MUC17: variants seen among roughly 807,000 people sequenced by gnomAD.
MUC17 encodes the protein mucin 17, cell surface associated, also known as mucin-17.
Under a neutral mutation model 170.3 loss-of-function variants are expected in MUC17, and 190 were observed. The ratio of observed to expected loss-of-function variants is 1.12; its 90% confidence interval spans 0.99 to 1.26. The LOEUF is 1.26. Among genes scored for constraint, MUC17 ranks in the 50% most tolerant of loss-of-function variants. The probability of loss-of-function intolerance (pLI) is 0.00; values close to 1 mark genes in which losing one functional copy is unlikely to be tolerated. For synonymous variants in MUC17, 2,325 were observed against 2,002.5 expected (o/e 1.16, Z -4.30); for missense variants, 6,415 against 5,530.0 (o/e 1.16, Z -5.08).
chr7:101,043,297 G>GT lies in MUC17; in HGVS notation c.11882dup (p.Ser3962IlefsTer9). The GT allele has an allele frequency of 6.2e-7, 1 of 1,614,140 alleles. No individual in the cohort carries two copies. On this transcript the variant is annotated frameshift_variant, in exon 3 of 13. Coordinates refer to ENST00000306151, the MANE Select transcript of MUC17 (RefSeq NM_001040105.2). LOFTEE classifies it high-confidence loss of function. The stretch of plus-strand genomic sequence containing the variant: ...TGTCTTTCCTGCAACAACTGGTGCT[G>GT]TATCTACCCCTGTGATAACTTCCAC...
At position 101,042,927 on chromosome 7, in the gene MUC17, A is replaced by G; in HGVS notation, c.11511A>G (p.Thr3837=). 6.2e-7 allele frequency: 1 copy of G among 1,613,758 alleles called. No individual in the cohort carries two copies. The highest frequency in any genetic ancestry group is 1.3e-5 in the African/African-American group (1 of 74,898). ...CTTCTGAGGCCAGCACACTTTCAAC[A>G]CCTCCTGGTGATACCAGCACACCTT... ...MSPSEASTLS[T]PPGDTSTPLL... The change falls in exon 3 of 13, where the codon ACA becomes ACG. Residue 3837 remains threonine, a synonymous_variant. Transcript: ENST00000306151.
At position 101,043,352 on chromosome 7, in the gene MUC17, G is replaced by A; in HGVS notation, c.11936G>A (p.Ser3979Asn). The change falls in exon 3 of 13, where the codon AGT becomes AAT. Residue 3979 changes from serine (S) to asparagine (N), a missense_variant. Transcript: ENST00000306151. ...CTAAACACACCATCAACCTCCAGTA[G>A]TAGTACCACCACATCTTTTTCAACT... is the stretch of plus-strand genomic sequence containing the variant. ...TELNTPSTSS[S>N]STTTSFSTTK... The A allele has an allele frequency of 6.2e-7, 1 of 1,614,154 alleles. No individual in the cohort carries two copies. The highest frequency in any genetic ancestry group is 8.5e-7 in the Non-Finnish European group (1 of 1,180,040).
In MUC17 at chr7:101,036,268, G is replaced by C. The variant is rs761398607; in HGVS notation, c.4852G>C (p.Gly1618Arg). The C allele has an allele frequency of 3.7e-6, 6 of 1,613,756 alleles. No homozygotes were observed. Among genetic ancestry groups the C allele is most frequent in the Non-Finnish European group, 5.1e-6 (6 of 1,179,970 alleles). ...AGCCAGTTCATCTACAACCGCTGAA[G>C]GTAGCAGCATGACAATCTCAACTCC... ...TEASSSTTAEGSSMTISTPSE... is the reference protein window; with the variant it reads ...TEASSSTTAERSSMTISTPSE... The change falls in exon 3 of 13, where the codon GGT (glycine) becomes CGT (arginine). Residue 1618 changes from glycine to arginine, a missense_variant. Coordinates refer to ENST00000306151, the MANE Select transcript of MUC17 (RefSeq NM_001040105.2).
In MUC17 at chr7:101,037,616, C is replaced by A. The variant is rs749504674; in HGVS notation, c.6200C>A (p.Thr2067Asn). The A allele has an allele frequency of 3.7e-6, 6 of 1,613,918 alleles. No individual in the cohort carries two copies. Among genetic ancestry groups the A allele is most frequent in the Non-Finnish European group, 5.1e-6 (6 of 1,179,968 alleles). ...TCTGAGGGTAACACCCTTTCAACAA[C>A]TCCTGTTGACTCCAAAACTCAGGTG... ...VSSEGNTLST[T>N]PVDSKTQVTN... Residue 2067 changes from threonine to asparagine, a missense_variant, in exon 3 of 13, where the codon ACT (threonine) becomes AAT (asparagine). Coordinates refer to ENST00000306151, the MANE Select transcript of MUC17 (RefSeq NM_001040105.2).
Position 101,041,568 on chromosome 7 carries a change from T to A in MUC17, c.10152T>A (p.Ala3384=). 1 of 1,613,410 alleles carries A rather than the reference T, an allele frequency of 6.2e-7. No homozygotes were observed. Among genetic ancestry groups the A allele is most frequent in the Non-Finnish European group, 8.5e-7 (1 of 1,179,876 alleles). Residue 3384 remains alanine, a synonymous_variant, in exon 3 of 13, where the codon GCT becomes GCA. Coordinates refer to ENST00000306151, the MANE Select transcript of MUC17 (RefSeq NM_001040105.2). The part of the protein sequence containing the change: ...STEASLSPTT[A]EGTSIPTSSP... ...AAGCCAGTTTATCTCCTACAACTGC[T>A]GAAGGTACCAGCATACCAACCTCAA...
At position 101,036,015 on chromosome 7, in the gene MUC17, C is replaced by A. The variant is rs73168392; in HGVS notation, c.4599C>A (p.Ser1533Arg). ...TTTVASSEIN[S>R]LSTTPAVTST... ...CAGTGGCCAGTTCTGAAATCAACAG[C>A]CTTTCAACAACTCCTGCTGTCACCA... Residue 1533 changes from serine to arginine, a missense_variant, in exon 3 of 13, where the codon AGC becomes AGA. By Grantham distance (110) the Ser-to-Arg change is moderately radical. Coordinates refer to ENST00000306151, the MANE Select transcript of MUC17 (RefSeq NM_001040105.2). 8.5e-6 allele frequency: 13 copies of A among 1,536,966 alleles called. No individual in the cohort carries two copies. Among genetic ancestry groups the A allele is most frequent in the South Asian group, 1.2e-5 (1 of 80,076 alleles).
rs754012525 is a variant in MUC17, at chr7:101,031,989, T to C, written c.573T>C (p.Ser191=). 4 of 1,614,234 alleles carry C rather than the reference T, an allele frequency of 2.5e-6. No homozygotes were observed. The South Asian group carries it at 4.4e-5, about 18-fold the overall frequency. The change falls in exon 3 of 13, where the codon TCT becomes TCC. Residue 191 remains serine (S), a synonymous_variant. Transcript: ENST00000306151. ...KVDMSTPLTT[S]TQASSSPTTP... Reference sequence around the variant, plus strand: ...ATATGAGCACACCTCTGACCACTTCTACTCAGGCAAGTTCATCTCCTACTA... The same window carrying C: ...ATATGAGCACACCTCTGACCACTTCCACTCAGGCAAGTTCATCTCCTACTA...
At chr7:101,024,854 G>C (rs1017045142) in intron 1 of MUC17, among the ~76,000 whole-genome samples, 6 of 150,744 alleles carry the variant, frequency 4.0e-5, no homozygotes, top group Non-Finnish European at 7.4e-5. Flanking sequence ...GGAGGGAGCA[G>C]GCCTTCTTTT....
rs866182108 is a variant in MUC17, at chr7:101,032,456, C to T, written c.1040C>T (p.Ala347Val). ...ACGCCTGCCAGCACCATGCCGGTTG[C>T]CACTTCTGAAATGAGCACACTTTCA... ...TSTPASTMPV[A>V]TSEMSTLSIT... The change falls in exon 3 of 13, where the codon GCC becomes GTC. Residue 347 changes from alanine to valine, a missense_variant. Ala to Val is a moderately conservative substitution (Grantham distance 64). Coordinates refer to ENST00000306151, the MANE Select transcript of MUC17 (RefSeq NM_001040105.2). 1 of 1,613,694 alleles carries T rather than the reference C, an allele frequency of 6.2e-7. No homozygotes were observed. Among genetic ancestry groups the T allele is most frequent in the Non-Finnish European group, 8.5e-7 (1 of 1,179,844 alleles).
chr7:101,034,915 G>A lies in MUC17; in HGVS notation c.3499G>A (p.Val1167Ile). The change falls in exon 3 of 13, where the codon GTC (valine) becomes ATC (isoleucine). Residue 1167 changes from valine to isoleucine, a missense_variant. Transcript: ENST00000306151. ...EGTTPLASMP[V>I]STTLVVSSEA... Reference sequence around the variant, plus strand: ...AACCACTCCGTTAGCAAGTATGCCTGTCAGCACCACGCTGGTGGTCAGTTC... The same window carrying A: ...AACCACTCCGTTAGCAAGTATGCCTATCAGCACCACGCTGGTGGTCAGTTC... 1.9e-6 allele frequency: 3 copies of A among 1,613,550 alleles called. No individual in the cohort carries two copies. The highest frequency in any genetic ancestry group is 2.5e-6 in the Non-Finnish European group (3 of 1,179,972).
chr7:101,029,546 T>G (rs944820887), intron 1 of MUC17, among the ~76,000 whole-genome samples: 2 of 152,156 alleles, frequency 1.3e-5, no homozygotes, highest in Admixed American at 6.5e-5. Context: ...TTGTGAATTT[T>G]ACCTTGTTGG....
In MUC17 at chr7:101,037,178, C is replaced by T; in HGVS notation, c.5762C>T (p.Pro1921Leu). 4 of 1,612,596 alleles carry T rather than the reference C, an allele frequency of 2.5e-6. No individual in the cohort carries two copies. The highest frequency in any genetic ancestry group is 3.4e-6 in the Non-Finnish European group (4 of 1,179,618). ...ADGSSMPTST[P>L]REGRPPLTSI... is the part of the protein sequence containing the mutation. ...GGTAGCAGCATGCCAACCTCAACTC[C>T]TAGGGAAGGAAGGCCTCCATTAACA... The change falls in exon 3 of 13, where the codon CCT becomes CTT. Residue 1921 changes from proline (P) to leucine (L), a missense_variant. Pro to Leu is a moderately conservative substitution (Grantham distance 98, BLOSUM62 -3). Transcript: ENST00000306151.
In MUC17 at chr7:101,042,089, C is replaced by T. The variant is rs571162480; in HGVS notation, c.10673C>T (p.Pro3558Leu). The change falls in exon 3 of 13, where the codon CCA (proline) becomes CTA (leucine). Residue 3558 changes from proline to leucine, a missense_variant. By Grantham distance (98) the Pro-to-Leu change is moderately conservative (BLOSUM62 -3). Transcript: ENST00000306151. ...AGTTCTAGTCAAGCCAGTTCATCTC[C>T]AGCAACTCTTCAGGTCACCACTATG... ...VTSSSQASSS[P>L]ATLQVTTMRM... The T allele has an allele frequency of 3.1e-6, 5 of 1,614,176 alleles. No homozygotes were observed. In the African/African-American group the frequency reaches 4.0e-5, roughly 13 times the overall value.
rs751726405 is a variant in MUC17 at position 101,037,852 on chromosome 7, A to G, written c.6436A>G (p.Thr2146Ala). 4 of 1,612,526 alleles carry G rather than the reference A, an allele frequency of 2.5e-6. No homozygotes were observed. The East Asian group carries it at 6.7e-5, about 27-fold the overall frequency. ...STEVSSSPIPTEGTSMQTSTY... is the reference protein window; with the variant it reads ...STEVSSSPIPAEGTSMQTSTY... ...TGAAGTCAGTTCATCTCCTATACCT[A>G]CTGAAGGTACCAGCATGCAAACCTC... Residue 2146 changes from threonine (T) to alanine (A), a missense_variant, in exon 3 of 13, where the codon ACT becomes GCT. By Grantham distance (58) the Thr-to-Ala change is moderately conservative (BLOSUM62 0). Coordinates refer to ENST00000306151, the MANE Select transcript of MUC17 (RefSeq NM_001040105.2).
At chr7:101,051,028 C>A (rs982717879) in intron 7 of MUC17, among the ~76,000 whole-genome samples, 2 of 152,032 alleles carry the variant, frequency 1.3e-5, no homozygotes, top group African/African-American at 4.8e-5. Flanking sequence ...GGCCTCGTTA[C>A]ACAGGGGTTC....
At chr7:101,050,085 C>T (rs987626400) in intron 6 of MUC17, among the ~76,000 whole-genome samples, 3 of 152,290 alleles carry the variant, frequency 2.0e-5, no homozygotes, top group East Asian at 1.9e-4. Flanking sequence ...AAGCCAGGAT[C>T]GCACCATTGC....
Position 101,040,298 on chromosome 7 carries a change from C to T in MUC17, c.8882C>T (p.Thr2961Ile), listed in dbSNP as rs1339142297. 6.2e-7 allele frequency: 1 copy of T among 1,611,962 alleles called. No homozygotes were observed. The change falls in exon 3 of 13, where the codon ACT becomes ATT. Residue 2961 changes from threonine (T) to isoleucine (I), a missense_variant. Physicochemically the swap from Thr to Ile is moderately conservative, Grantham distance 89. Transcript: ENST00000306151. ...GTTGACACCAGGACACCTGTCACCA[C>T]TTCTGCTGAAGCTAGTTCTTCTCCT... Reference protein sequence around the residue: ...TPVDTRTPVTTSAEASSSPTT... With the variant: ...TPVDTRTPVTISAEASSSPTT...
chr7:101,035,802 C>G lies in MUC17; in HGVS notation c.4386C>G (p.Val1462=). The G allele has an allele frequency of 6.2e-7, 1 of 1,605,446 alleles. No homozygotes were observed. The highest frequency in any genetic ancestry group is 8.5e-7 in the Non-Finnish European group (1 of 1,175,366). Residue 1462 remains valine (V), a synonymous_variant, in exon 3 of 13, where the codon GTC becomes GTG. Coordinates refer to ENST00000306151, the MANE Select transcript of MUC17 (RefSeq NM_001040105.2). The part of the protein sequence containing the change: ...EGKTPLKSIP[V]SNTPVANSEA... ...AGACTCCATTAAAAAGTATACCTGTCAGCAACACGCCGGTGGCCAATTCTG... is the reference window on the plus strand; with the variant it reads ...AGACTCCATTAAAAAGTATACCTGTGAGCAACACGCCGGTGGCCAATTCTG...
intron 6 of MUC17, 89 bp downstream of exon 6, chr7:101,049,471 T>A: frequency 6.7e-7 from 1 of 1,500,782 alleles, no homozygotes; most frequent in African/African-American, 1.4e-5. Flanking sequence ...CCCCCTGCAT[T>A]ACTGTGCCCA....
Sources: gnomAD v4.1 joint callset for allele counts (sites outside exome capture counted in the v4.1 genomes callset) on GRCh38, gnomAD v4.1.1 for gene constraint, MANE v1.5 for transcripts, NCBI Gene and HGNC (gene_info 2026-07-23, HGNC 2026-07-21) for gene names.